Variants in NPTN observed in about 807,000 individuals in gnomAD.
NPTN encodes SDR-1.
A neutral mutation model predicts 42.7 loss-of-function variants in NPTN; 5 were observed. That is an observed-to-expected ratio of 0.12 (90% confidence interval 0.06 to 0.25). NPTN has a LOEUF of 0.25. Among genes scored for constraint, NPTN ranks in the 10% least tolerant of loss-of-function variants. NPTN has a pLI of 1.00. For missense variants in NPTN, 307 were observed against 525.4 expected (o/e 0.58, Z 4.06); for synonymous variants, 180 against 201.9 (o/e 0.89, Z 0.92).
In NPTN at chr15:73,570,125, A is replaced by C; in HGVS notation, c.1114+25T>G. On this transcript the variant is annotated intron_variant, in intron 6 of 8. Coordinates refer to ENST00000345330, the MANE Select transcript of NPTN (RefSeq NM_012428.4). The surrounding 1 kb of genome is among the most constrained non-coding windows in gnomAD (Gnocchi z 4.0). ...CCGAAGGAACCAACCCCAGCAGTAC[A>C]GCTATTTTGTAGGGATGCTCTTACC... The C allele has an allele frequency of 1.1e-5, 18 of 1,577,666 alleles. No individual in the cohort carries two copies. Among genetic ancestry groups the C allele is most frequent in the Non-Finnish European group, 1.6e-5 (18 of 1,159,030 alleles).
At chr15:73,598,261 C>T (rs755957747) in intron 1 of NPTN, among the ~76,000 whole-genome samples, 1 of 152,090 alleles carries the variant, frequency 6.6e-6, no homozygotes, top group Non-Finnish European at 1.5e-5. Flanking sequence ...TGACAGGCTC[C>T]ATACAGTTGA....
At chr15:73,598,714 A>T (rs1896941806) in intron 1 of NPTN, among the ~76,000 whole-genome samples, 1 of 152,198 alleles carries the variant, frequency 6.6e-6, no homozygotes, top group South Asian at 2.1e-4. Context: ...CTGTGCAGTA[A>T]GCAGGGAGTG....
intron 1 of NPTN, among the ~76,000 whole-genome samples, chr15:73,616,307 A>C (rs147347607): frequency 8.2e-4 from 125 of 152,286 alleles, no homozygotes; most frequent in African/African-American, 2.9e-3. Flanking sequence ...CCGGCTCCAC[A>C]GACCCTAAAG....
chr15:73,586,613 C>G (rs1896332188), intron 4 of NPTN, among the ~76,000 whole-genome samples: 1 of 152,204 alleles, frequency 6.6e-6, no homozygotes, highest in African/African-American at 2.4e-5. Context: ...TTAGGAAGAC[C>G]TGAATACCTA....
At chr15:73,567,542 A>G in intron 6 of NPTN, 1 of 985,358 alleles carries the variant, frequency 1.0e-6, no homozygotes, top group African/African-American at 1.7e-5. Context: ...TGTCCTTCCT[A>G]TGGAGTGCAC....
intron 5 of NPTN, among the ~76,000 whole-genome samples, chr15:73,572,409 C>G (rs778050454): frequency 2.6e-5 from 4 of 152,198 alleles, no homozygotes; most frequent in Non-Finnish European, 4.4e-5. Flanking sequence ...TTCTAAAGCT[C>G]TGACTCTCCA....
At chr15:73,585,875 C>G (rs1300569002) in intron 4 of NPTN, among the ~76,000 whole-genome samples, 1 of 152,178 alleles carries the variant, frequency 6.6e-6, no homozygotes. Flanking sequence ...TGAAAATACT[C>G]CTGGCCTACA....
At position 73,633,359 on chromosome 15, in the gene NPTN, C is replaced by G; in HGVS notation, c.-144G>C. On this transcript the variant is annotated 5_prime_UTR_variant, in exon 1 of 9. Coordinates refer to ENST00000345330, the MANE Select transcript of NPTN (RefSeq NM_012428.4). The stretch of plus-strand genomic sequence containing the variant: ...GCGGCTCGGCTCCGTCCTTCCCCGT[C>G]CTCCTCCTGCCGCCGCAGCGCCCAG... 1 of 542,646 alleles carries G rather than the reference C, an allele frequency of 1.8e-6. No individual in the cohort carries two copies. The highest frequency in any genetic ancestry group is 3.0e-6 in the Non-Finnish European group (1 of 333,530). The allele number at this position is 542,646 out of a possible 1,614,324, so 33.6% of individuals were successfully genotyped here. A position where few individuals can be genotyped will look rare whatever the true frequency, so the allele number is the denominator to read the frequency against.
At chr15:73,622,971 C>T (rs1016460144) in intron 1 of NPTN, among the ~76,000 whole-genome samples, 8 of 152,220 alleles carry the variant, frequency 5.3e-5, no homozygotes, top group African/African-American at 1.9e-4. Context: ...AGCACCAGCT[C>T]CCACTTCTAA....
intron 4 of NPTN, among the ~76,000 whole-genome samples, chr15:73,578,349 C>T (rs1431715671): frequency 6.6e-6 from 1 of 151,978 alleles, no homozygotes; most frequent in South Asian, 2.1e-4. Flanking sequence ...ATTACAGTAA[C>T]CCAGGCAAGG....
At chr15:73,596,913 G>C in intron 2 of NPTN, 109 bp downstream of exon 2, 1 of 897,958 alleles carries the variant, frequency 1.1e-6, no homozygotes, top group Non-Finnish European at 1.7e-6. Context: ...CGAAGACAAG[G>C]GGTGGGGTGA....
chr15:73,573,923 T>C, intron 4 of NPTN, 128 bp from the exon 5 acceptor site: 1 of 1,211,814 alleles, frequency 8.3e-7, no homozygotes, highest in Non-Finnish European at 1.1e-6. Flanking sequence ...ATACTCAGCT[T>C]TGATGAAGAG....
At chr15:73,620,013 A>G (rs1282111778) in intron 1 of NPTN, among the ~76,000 whole-genome samples, 1 of 152,224 alleles carries the variant, frequency 6.6e-6, no homozygotes, top group Non-Finnish European at 1.5e-5. Flanking sequence ...AGAGATTAAG[A>G]GATTTGCCAA....
chr15:73,628,744 C>T (rs1489550424), intron 1 of NPTN, among the ~76,000 whole-genome samples: 1 of 151,854 alleles, frequency 6.6e-6, no homozygotes, highest in Admixed American at 6.6e-5. Flanking sequence ...CCAATTAAAT[C>T]TTTTTTTAAT....
intron 1 of NPTN, among the ~76,000 whole-genome samples, chr15:73,600,042 C>G (rs1033254650): frequency 1.3e-5 from 2 of 152,170 alleles, no homozygotes; most frequent in Non-Finnish European, 2.9e-5. Flanking sequence ...TCCACTGTAA[C>G]CCCAAGTCCT....
intron 1 of NPTN, among the ~76,000 whole-genome samples, chr15:73,605,113 A>AGGG (rs1555410817): frequency 1.5e-5 from 2 of 132,512 alleles, no homozygotes; most frequent in South Asian, 2.3e-4. Context: ...GGGGGGGGGA[A>AGGG]AAGAATGATC....
chr15:73,612,625 C>G (rs755239118), intron 1 of NPTN, among the ~76,000 whole-genome samples: 10 of 152,078 alleles, frequency 6.6e-5, no homozygotes, highest in Non-Finnish European at 1.3e-4. Flanking sequence ...AAAAAATTAG[C>G]CGGGCGTGGT....
chr15:73,584,739 T>G (rs1211304626), intron 4 of NPTN, among the ~76,000 whole-genome samples: 3 of 150,956 alleles, frequency 2.0e-5, no homozygotes, highest in Non-Finnish European at 4.4e-5. Context: ...ATCTTCCTGT[T>G]TATACTATGC....
intron 1 of NPTN, among the ~76,000 whole-genome samples, chr15:73,598,847 C>T (rs1896947978): frequency 6.6e-6 from 1 of 152,152 alleles, no homozygotes; most frequent in Non-Finnish European, 1.5e-5. Flanking sequence ...ATGGAGGTTA[C>T]TAAGTGGAAA....
Sources: gnomAD v4.1 joint callset for allele counts (sites outside exome capture counted in the v4.1 genomes callset) on GRCh38, gnomAD v4.1.1 for gene constraint, Gnocchi (gnomAD v3.1) non-coding constraint, MANE v1.5 for transcripts, NCBI Gene and HGNC (gene_info 2026-07-23, HGNC 2026-07-21) for gene names.